The following XPNPEP3 variants were observed in gnomAD, a reference collection of about 807,000 sequenced individuals.
XPNPEP3 encodes the protein X-prolyl aminopeptidase 3.
A neutral mutation model predicts 60.0 loss-of-function variants in XPNPEP3; 41 were observed. The ratio of observed to expected loss-of-function variants is 0.68; its 90% CI spans 0.53 to 0.89. The LOEUF is 0.89. Ranked by LOEUF, XPNPEP3 falls within the 40% of genes least tolerant of loss-of-function variation. The probability of loss-of-function intolerance (pLI) is 0.00; values close to 1 mark genes in which losing one functional copy is unlikely to be tolerated. For missense variants in XPNPEP3, 598 were observed against 638.9 expected (o/e 0.94, Z 0.69); for synonymous variants, 212 against 223.2 (o/e 0.95, Z 0.45).
chr22:40,873,372 G>T (rs571644145), intron 2 of XPNPEP3, among the ~76,000 whole-genome samples: 4 of 151,364 alleles, frequency 2.6e-5, no homozygotes, highest in Middle Eastern at 3.4e-3. Flanking sequence ...CAAAGTGCTG[G>T]GATTACATGC....
At chr22:40,876,257 G>T (rs2058027481) in intron 2 of XPNPEP3, among the ~76,000 whole-genome samples, 2 of 152,116 alleles carry the variant, frequency 1.3e-5, no homozygotes, top group South Asian at 4.1e-4. Context: ...TAATTATTTT[G>T]ATTTCATTTG....
intron 2 of XPNPEP3, among the ~76,000 whole-genome samples, chr22:40,875,508 T>C (rs768028436): frequency 5.9e-5 from 9 of 152,186 alleles, no homozygotes; most frequent in Non-Finnish European, 1.0e-4. Context: ...AATTTATAGA[T>C]GAATAAACCT....
intron 1 of XPNPEP3, chr22:40,861,125 A>C: frequency 1.2e-6 from 2 of 1,611,728 alleles, no homozygotes; most frequent in Non-Finnish European, 1.7e-6. Flanking sequence ...TTTTCCTCTT[A>C]CCACCCTCTT....
At chr22:40,891,912 A>G (rs1185277859) in intron 4 of XPNPEP3, among the ~76,000 whole-genome samples, 2 of 152,158 alleles carry the variant, frequency 1.3e-5, no homozygotes, top group East Asian at 1.9e-4. Context: ...TGCATGCACA[A>G]CGTGGGTTTC....
chr22:40,870,464 G>C (rs2057999631), intron 2 of XPNPEP3: 1 of 154,276 alleles, frequency 6.5e-6, no homozygotes, highest in Admixed American at 6.5e-5. Context: ...TGGGGGAAAA[G>C]GGATGCCTGT....
intron 6 of XPNPEP3, 119 bp from the exon 7 acceptor site, chr22:40,914,120 C>T: frequency 2.4e-6 from 2 of 821,566 alleles, no homozygotes; most frequent in South Asian, 1.4e-5. Context: ...CCAACCTGGG[C>T]AACAAGAGTG....
At position 40,864,406 on chromosome 22, in the gene XPNPEP3, T is replaced by C. The variant is rs897269121; in HGVS notation, c.65-4593T>C. ...TCTAGGAGAAGATGTTCGCAGTGTC[T>C]AAATTTGACAGGGACTTATTTTATT... On this transcript the variant is annotated intron_variant, in intron 1 of 9. Transcript: ENST00000357137. Among the ~76,000 whole-genome samples, 4 of 152,198 alleles carry C rather than the reference T, an allele frequency of 2.6e-5. No homozygotes were observed. The East Asian group carries it at 7.7e-4, about 29-fold the overall frequency.
chr22:40,927,836 C>G lies in XPNPEP3; in HGVS notation c.*1401C>G, dbSNP rs1343337444. Reference sequence around the variant, plus strand: ...CTTGCAGTGAGCCAAGATCGCGCCACTGCACTCCAGCCTGGGTGACAGAGC... The same window carrying G: ...CTTGCAGTGAGCCAAGATCGCGCCAGTGCACTCCAGCCTGGGTGACAGAGC... On this transcript the variant is annotated 3_prime_UTR_variant, in exon 10 of 10. Transcript: ENST00000357137. 6.9e-6 allele frequency: 1 copy of G among 144,278 alleles called. No individual in the cohort carries two copies. Among genetic ancestry groups the G allele is most frequent in the Admixed American group, 7.1e-5 (1 of 14,032 alleles). The allele number at this position is 144,278 out of a possible 1,614,324, so 8.9% of individuals were successfully genotyped here.
At chr22:40,873,098 CTT>C (rs138353) in intron 2 of XPNPEP3, among the ~76,000 whole-genome samples, 4,976 of 88,562 alleles carry the variant, frequency 0.056, 302 homozygotes, top group African/African-American at 0.21. Flanking sequence ...TTTTCTTTTT[CTT>C]TTTTTTTTTT....
chr22:40,875,919 C>G (rs12162697), intron 2 of XPNPEP3, among the ~76,000 whole-genome samples: 1 of 151,724 alleles, frequency 6.6e-6, no homozygotes, highest in Non-Finnish European at 1.5e-5. Flanking sequence ...ACTCAGGAGA[C>G]TGAGGCATGA....
At chr22:40,865,356 T>G (rs2057973292) in intron 1 of XPNPEP3, among the ~76,000 whole-genome samples, 1 of 150,058 alleles carries the variant, frequency 6.7e-6, no homozygotes, top group Non-Finnish European at 1.5e-5. Flanking sequence ...GAGATGGAGT[T>G]TCACTCTCGT....
intron 4 of XPNPEP3, among the ~76,000 whole-genome samples, chr22:40,899,285 A>C (rs1199468181): frequency 6.6e-6 from 1 of 152,196 alleles, no homozygotes; most frequent in African/African-American, 2.4e-5. Flanking sequence ...AAAGAAGCTC[A>C]TCTAAAAGAG....
chr22:40,867,030 G>A (rs1192244285), intron 1 of XPNPEP3, among the ~76,000 whole-genome samples: 1 of 152,218 alleles, frequency 6.6e-6, no homozygotes, highest in African/African-American at 2.4e-5. Flanking sequence ...AGGAGAGAAA[G>A]AGAAATCACC....
intron 5 of XPNPEP3, among the ~76,000 whole-genome samples, chr22:40,908,550 A>G (rs2058165118): frequency 1.3e-5 from 2 of 152,198 alleles, no homozygotes; most frequent in South Asian, 4.1e-4. Flanking sequence ...TGTAGATAGT[A>G]GCAGATACTC....
At chr22:40,900,971 G>A (rs1219135826) in intron 4 of XPNPEP3, among the ~76,000 whole-genome samples, 1 of 150,590 alleles carries the variant, frequency 6.6e-6, no homozygotes, top group African/African-American at 2.4e-5. Flanking sequence ...AAAAACAAAG[G>A]GAATGGGTGT....
At chr22:40,865,679 A>C in intron 1 of XPNPEP3, among the ~76,000 whole-genome samples, 1 of 82,182 alleles carries the variant, frequency 1.2e-5, no homozygotes, top group East Asian at 3.9e-4. Context: ...TAAATACCAC[A>C]CTCTTTTTTT....
At chr22:40,861,762 C>G in intron 1 of XPNPEP3, 3 of 1,613,430 alleles carry the variant, frequency 1.9e-6, no homozygotes, top group Non-Finnish European at 2.5e-6. Flanking sequence ...ATCAAAATGA[C>G]TTCCACCTCC....
intron 4 of XPNPEP3, among the ~76,000 whole-genome samples, chr22:40,902,088 T>G (rs2058135721): frequency 6.8e-6 from 1 of 148,126 alleles, no homozygotes; most frequent in South Asian, 2.2e-4. Flanking sequence ...TTTTTTTTTT[T>G]TTGAGATGGA....
At chr22:40,904,988 C>T (rs568346535) in intron 4 of XPNPEP3, among the ~76,000 whole-genome samples, 42 of 152,136 alleles carry the variant, frequency 2.8e-4, no homozygotes, top group African/African-American at 8.9e-4. Context: ...AGGCTGGTCT[C>T]GAACTCCTGG....
Sources: gnomAD v4.1 joint callset for allele counts (sites outside exome capture counted in the v4.1 genomes callset) on GRCh38, gnomAD v4.1.1 for gene constraint, MANE v1.5 for transcripts, NCBI Gene and HGNC (gene_info 2026-07-23, HGNC 2026-07-21) for gene names.